The following GRID2 variants were observed in gnomAD, a reference collection of about 807,000 sequenced individuals.
GRID2 encodes the protein glutamate ionotropic receptor delta type subunit 2, also known as glutamate receptor ionotropic, delta-2.
In GRID2, 33 loss-of-function variants were observed where a neutral mutation model predicts 114.8. The ratio of observed to expected loss-of-function variants is 0.29; its 90% confidence interval spans 0.22 to 0.38. GRID2 has a LOEUF of 0.38. Ranked by LOEUF, GRID2 falls within the 10% of genes least tolerant of loss-of-function variation. The pLI is 1.00. For synonymous variants in GRID2, 505 were observed against 449.9 expected, an observed-to-expected ratio of 1.12 and a Z score of -1.55; for missense variants, 1,184 against 1,257.7, an observed-to-expected ratio of 0.94 and a Z score of 0.89.
At chr4:92,886,786 C>T (rs780498692) in intron 2 of GRID2, among the ~76,000 whole-genome samples, 6 of 152,022 alleles carry the variant, frequency 3.9e-5, no homozygotes, top group East Asian at 1.9e-4. Flanking sequence ...CCACCACGTC[C>T]GGCTAATTTT....
rs895057844 is a variant in GRID2 at position 93,002,732 on chromosome 4, T to A, written c.245-82263T>A. On this transcript the variant is annotated intron_variant, in intron 2 of 15. Transcript: ENST00000282020. ...ATAAAATTATGATGATTAGACTATT[T>A]CCTATGATGGCTGTAACAAATTACC... Among the ~76,000 whole-genome samples the A allele has an allele frequency of 3.3e-5, 5 of 151,876 alleles. No individual in the cohort carries two copies. The Admixed American group carries it at 3.3e-4, about 10-fold the overall frequency.
chr4:93,234,225 A>G (rs1352897326), intron 7 of GRID2, among the ~76,000 whole-genome samples: 4 of 152,128 alleles, frequency 2.6e-5, no homozygotes, highest in Admixed American at 2.0e-4. Context: ...ATTCACCAAG[A>G]TACACTCCAG....
At chr4:92,829,510 A>G (rs1224844500) in intron 2 of GRID2, among the ~76,000 whole-genome samples, 1 of 152,140 alleles carries the variant, frequency 6.6e-6, no homozygotes, top group Non-Finnish European at 1.5e-5. Flanking sequence ...TAGTTGAACC[A>G]TTGTGGAAGG....
chr4:93,022,867 C>T (rs571217434), intron 2 of GRID2, among the ~76,000 whole-genome samples: 51 of 151,506 alleles, frequency 3.4e-4, no homozygotes, highest in South Asian at 1.5e-3. Context: ...TAAATATTTC[C>T]CTCATGTTCA....
intron 2 of GRID2, among the ~76,000 whole-genome samples, chr4:92,946,980 A>G (rs950349866): frequency 3.3e-5 from 5 of 152,074 alleles, no homozygotes; most frequent in Non-Finnish European, 7.4e-5. Flanking sequence ...ACTCTGAAAG[A>G]TGGAAAGATT....
chr4:92,772,356 C>A (rs1404805506), intron 2 of GRID2, among the ~76,000 whole-genome samples: 1 of 151,940 alleles, frequency 6.6e-6, no homozygotes, highest in Non-Finnish European at 1.5e-5. Flanking sequence ...ACCTTCTTAC[C>A]TTTCTGTGTC....
intron 8 of GRID2, among the ~76,000 whole-genome samples, chr4:93,384,267 A>C (rs1764117650): frequency 6.6e-6 from 1 of 152,148 alleles, no homozygotes. Flanking sequence ...TGAATTTTGG[A>C]GCGCAACAAT....
At chr4:93,491,989 A>G (rs1262789560) in intron 12 of GRID2, among the ~76,000 whole-genome samples, 1 of 151,828 alleles carries the variant, frequency 6.6e-6, no homozygotes, top group African/African-American at 2.4e-5. Flanking sequence ...GTTGTTTTCC[A>G]ATTATTCCTT....
chr4:92,426,419 G>C (rs905514213), intron 1 of GRID2, among the ~76,000 whole-genome samples: 1 of 152,010 alleles, frequency 6.6e-6, no homozygotes, highest in Non-Finnish European at 1.5e-5. Flanking sequence ...AACACAGTTG[G>C]GAATAACCAA....
chr4:93,260,384 C>T (rs1055689309), intron 8 of GRID2, among the ~76,000 whole-genome samples: 1 of 120,418 alleles, frequency 8.3e-6, no homozygotes, highest in African/African-American at 3.5e-5. Context: ...GCCAAGTAAA[C>T]CCTGTAGTAA....
At chr4:92,501,477 A>C (rs1182490334) in intron 1 of GRID2, among the ~76,000 whole-genome samples, 1 of 152,180 alleles carries the variant, frequency 6.6e-6, no homozygotes. Context: ...AGAGCATGTC[A>C]ACTAATGGGG....
chr4:93,633,443 T>C (rs1385523514), intron 14 of GRID2, among the ~76,000 whole-genome samples: 1 of 152,128 alleles, frequency 6.6e-6, no homozygotes, highest in Admixed American at 6.6e-5. Context: ...CCTGAGCTCC[T>C]TGAGTTCACA....
At chr4:92,425,592 T>C (rs5021051) in intron 1 of GRID2, among the ~76,000 whole-genome samples, 120,797 of 151,964 alleles carry the variant, frequency 0.79, 48,136 homozygotes, top group East Asian at 0.91. Context: ...TATAGTGTTT[T>C]ACTTCTGACC....
intron 1 of GRID2, among the ~76,000 whole-genome samples, chr4:92,324,315 T>G (rs1726476004): frequency 6.6e-6 from 1 of 151,996 alleles, no homozygotes; most frequent in African/African-American, 2.4e-5. Context: ...CTGCCCATCC[T>G]TTCTCTCTGT....
At chr4:92,912,091 ATAT>A (rs1259104877) in intron 2 of GRID2, among the ~76,000 whole-genome samples, 15 of 151,882 alleles carry the variant, frequency 9.9e-5, no homozygotes. Flanking sequence ...GTACTTTACT[ATAT>A]TATTGCTGAA....
At chr4:92,730,391 T>C (rs1250451887) in intron 2 of GRID2, among the ~76,000 whole-genome samples, 1 of 151,848 alleles carries the variant, frequency 6.6e-6, no homozygotes, top group Non-Finnish European at 1.5e-5. Flanking sequence ...AAAGCTGCAT[T>C]GATTTTGTTT....
intron 4 of GRID2, among the ~76,000 whole-genome samples, chr4:93,162,546 C>T (rs1233937224): frequency 1.3e-5 from 2 of 151,966 alleles, no homozygotes; most frequent in Non-Finnish European, 2.9e-5. Context: ...TTTTTAACAA[C>T]TTTATAATTT....
At chr4:92,929,615 T>A (rs898527103) in intron 2 of GRID2, among the ~76,000 whole-genome samples, 1 of 151,348 alleles carries the variant, frequency 6.6e-6, no homozygotes, top group Non-Finnish European at 1.5e-5. Context: ...CATGCTAACA[T>A]TCATTTATTT....
chr4:92,833,737 T>C (rs966961517), intron 2 of GRID2: 2 of 152,226 alleles, frequency 1.3e-5, no homozygotes, highest in African/African-American at 2.4e-5. Flanking sequence ...TGAACTATTT[T>C]CAAAATCTTG....
Sources: allele counts gnomAD v4.1 joint callset (sites outside exome capture counted in the v4.1 genomes callset), GRCh38; gene constraint gnomAD v4.1.1; transcripts MANE v1.5; gene names NCBI Gene and HGNC (gene_info 2026-07-23, HGNC 2026-07-21).